TENM4: variants seen among roughly 807,000 people sequenced by gnomAD.
The protein encoded by TENM4 is teneurin transmembrane protein 4, also known as teneurin-4.
A neutral mutation model predicts 243.3 loss-of-function variants in TENM4; 82 were observed. The observed-to-expected ratio is 0.34, with a 90% CI of 0.28 to 0.40. The LOEUF (loss-of-function observed/expected upper bound fraction) is 0.40, where lower values mean the gene tolerates loss of function less well. Among genes scored for constraint, TENM4 ranks in the 10% least tolerant of loss-of-function variants. The pLI, the probability that TENM4 is intolerant of heterozygous loss-of-function variation, is 1.00. For missense variants in TENM4, 3,138 were observed against 3,673.3 expected, an observed-to-expected ratio of 0.85 and a Z score of 3.77; for synonymous variants, 1,412 against 1,456.3, an observed-to-expected ratio of 0.97 and a Z score of 0.69.
At chr11:78,827,037 C>T (rs1194482737) in intron 12 of TENM4, among the ~76,000 whole-genome samples, 5 of 152,290 alleles carry the variant, frequency 3.3e-5, no homozygotes, top group Non-Finnish European at 7.3e-5. Flanking sequence ...TATTCACATA[C>T]CATCTGTCCT....
At chr11:79,347,286 C>T (rs1857341358) in intron 1 of TENM4, among the ~76,000 whole-genome samples, 1 of 152,182 alleles carries the variant, frequency 6.6e-6, no homozygotes, top group African/African-American at 2.4e-5. Flanking sequence ...CACCACGGTG[C>T]CTTTACACTG....
At chr11:79,439,313 T>A (rs1051367273) in intron 1 of TENM4, 16 of 151,500 alleles carry the variant, frequency 1.1e-4, no homozygotes, top group African/African-American at 3.9e-4. Context: ...CTATAAACCC[T>A]CTCTCCACGG....
chr11:79,259,430 A>T (rs1260608725), intron 2 of TENM4, among the ~76,000 whole-genome samples: 2 of 152,170 alleles, frequency 1.3e-5, no homozygotes, highest in Non-Finnish European at 2.9e-5. Flanking sequence ...TTCCTAGAAC[A>T]TACATTCTAA....
intron 2 of TENM4, among the ~76,000 whole-genome samples, chr11:79,255,076 C>T (rs1855677519): frequency 6.6e-6 from 1 of 152,188 alleles, no homozygotes. Context: ...AGCAGCCCCG[C>T]TGGGTGACCA....
intron 2 of TENM4, among the ~76,000 whole-genome samples, chr11:79,226,903 G>A (rs1864278007): frequency 6.6e-6 from 1 of 152,144 alleles, no homozygotes; most frequent in Non-Finnish European, 1.5e-5. Context: ...AAAGCGGGTG[G>A]GTGGGAGTGC....
At chr11:78,865,373 T>C (rs1299191240) in intron 9 of TENM4, among the ~76,000 whole-genome samples, 2 of 152,212 alleles carry the variant, frequency 1.3e-5, no homozygotes, top group Non-Finnish European at 2.9e-5. Flanking sequence ...CTGTCAGTCT[T>C]CTCGGCATCA....
intron 3 of TENM4, among the ~76,000 whole-genome samples, chr11:79,199,122 T>C (rs771226099): frequency 1.3e-5 from 2 of 152,110 alleles, no homozygotes; most frequent in East Asian, 1.9e-4. Context: ...ATACAAATAC[T>C]CGTGGAGAGG....
rs555063848 is a variant in TENM4, at chr11:78,714,787, C to T, written c.3822-2073G>A. Among the ~76,000 whole-genome samples the T allele has an allele frequency of 1.1e-4, 17 of 152,242 alleles. No homozygotes were observed. The South Asian group carries it at 2.9e-3, about 26-fold the overall frequency. The stretch of plus-strand genomic sequence containing the variant: ...TCCTGCTCTGCAGTGTGCCCCGCCC[C>T]TCCCTTTCCTACTCACCCTTCACCT... On this transcript the variant is annotated intron_variant, in intron 25 of 33. Transcript: ENST00000278550.
intron 1 of TENM4, among the ~76,000 whole-genome samples, chr11:79,433,254 C>A (rs867027946): frequency 1.3e-5 from 2 of 152,106 alleles, no homozygotes; most frequent in Non-Finnish European, 2.9e-5. Context: ...TGGGAGCTGG[C>A]GAAAAATGCA....
Position 79,029,159 on chromosome 11 carries a change from G to A in TENM4, c.493+35579C>T, listed in dbSNP as rs187742124. On this transcript the variant is annotated intron_variant, in intron 6 of 33. Coordinates refer to ENST00000278550, the MANE Select transcript of TENM4 (RefSeq NM_001098816.3). ...GCACAGGCCAGAGAATACTCTCATC[G>A]CAGTTTGAGAAGGCTGGCTGCCTCT... Among the ~76,000 whole-genome samples, 278 of 152,148 alleles carry A rather than the reference G, an allele frequency of 1.8e-3. 2 individuals carry two copies. The highest frequency in any genetic ancestry group is 5.3e-3 in the African/African-American group (219 of 41,510).
intron 1 of TENM4, among the ~76,000 whole-genome samples, chr11:79,431,673 G>T (rs938846403): frequency 6.6e-6 from 1 of 152,174 alleles, no homozygotes; most frequent in South Asian, 2.1e-4. Context: ...GCATGAATCA[G>T]CATAGAGCAT....
intron 6 of TENM4, among the ~76,000 whole-genome samples, chr11:78,998,658 G>C (rs1858236925): frequency 6.6e-6 from 1 of 152,218 alleles, no homozygotes; most frequent in Admixed American, 6.5e-5. Context: ...AGTTCTGCCA[G>C]GGTGAAGTTG....
intron 1 of TENM4, among the ~76,000 whole-genome samples, chr11:79,433,629 T>G (rs1026099176): frequency 9.2e-5 from 14 of 152,198 alleles, no homozygotes; most frequent in Non-Finnish European, 5.9e-5. Context: ...GATACCCTTT[T>G]GCACTATTGG....
At chr11:79,401,018 T>A (rs920161588) in intron 1 of TENM4, among the ~76,000 whole-genome samples, 1 of 152,122 alleles carries the variant, frequency 6.6e-6, no homozygotes, top group Non-Finnish European at 1.5e-5. Flanking sequence ...AGGCCTATGA[T>A]TACTAAAAAA....
At chr11:79,164,870 A>G (rs1862875383) in intron 3 of TENM4, among the ~76,000 whole-genome samples, 1 of 151,744 alleles carries the variant, frequency 6.6e-6, no homozygotes, top group Admixed American at 6.6e-5. Context: ...AGCCATGTGG[A>G]ACGGTAAGTC....
chr11:79,066,231 G>T (rs2136991310), intron 5 of TENM4, among the ~76,000 whole-genome samples: 1 of 152,310 alleles, frequency 6.6e-6, no homozygotes, highest in East Asian at 1.9e-4. Context: ...TGGGATATTG[G>T]GGTGAGGAGC....
chr11:78,760,039 C>G (rs914731611), intron 18 of TENM4, among the ~76,000 whole-genome samples: 2 of 152,152 alleles, frequency 1.3e-5, no homozygotes, highest in African/African-American at 4.8e-5. Flanking sequence ...CGTCTCTTTC[C>G]AATATTGTAA....
At chr11:78,871,303 A>G (rs1859120827) in intron 9 of TENM4, among the ~76,000 whole-genome samples, 1 of 152,202 alleles carries the variant, frequency 6.6e-6, no homozygotes, top group African/African-American at 2.4e-5. Context: ...TGAGCTCCTC[A>G]TGGAGCTTGG....
At chr11:78,905,233 T>C (rs1055958623) in intron 6 of TENM4, among the ~76,000 whole-genome samples, 4 of 152,248 alleles carry the variant, frequency 2.6e-5, no homozygotes, top group African/African-American at 4.8e-5. Context: ...AGCTGTGCTC[T>C]TCCTTGGATA....
Sources: allele counts gnomAD v4.1 joint callset (sites outside exome capture counted in the v4.1 genomes callset), GRCh38; gene constraint gnomAD v4.1.1; transcripts MANE v1.5; gene names NCBI Gene and HGNC (gene_info 2026-07-23, HGNC 2026-07-21).